Variants in INTS8 observed in about 807,000 individuals in gnomAD.
The protein encoded by INTS8 is integrator complex subunit 8, also known as protein kaonashi-1.
Under a neutral mutation model 138.9 loss-of-function variants are expected in INTS8, and 47 were observed. That is an observed-to-expected ratio of 0.34 (90% CI 0.27 to 0.43). INTS8 has a LOEUF of 0.43. INTS8 is among the 20% of genes least tolerant of loss of function. INTS8 has a pLI of 1.00. For synonymous variants in INTS8, 392 were observed against 400.9 expected (o/e 0.98, Z 0.27); for missense variants, 996 against 1,173.0 (o/e 0.85, Z 2.20).
chr8:94,838,494 A>T lies in INTS8; in HGVS notation c.893A>T (p.Asp298Val). ...TCATTATCTCTTCATTGTACCATAG[A>T]TGAGAAGCGGTTAGCTGGCTATTGT... is the stretch of plus-strand genomic sequence containing the variant. ...IGSLSLHCTI[D>V]EKRLAGYCQA... Residue 298 changes from aspartate (D) to valine (V), a missense_variant, in exon 8 of 27, where the codon GAT (aspartate) becomes GTT (valine). Coordinates refer to ENST00000523731, the MANE Select transcript of INTS8 (RefSeq NM_017864.4). 2 of 1,613,582 alleles carry T rather than the reference A, an allele frequency of 1.2e-6. No homozygotes were observed. Among genetic ancestry groups the T allele is most frequent in the East Asian group, 2.2e-5 (1 of 44,882 alleles).
chr8:94,831,023 C>A (rs1814693907), intron 5 of INTS8, among the ~76,000 whole-genome samples: 1 of 152,160 alleles, frequency 6.6e-6, no homozygotes, highest in African/African-American at 2.4e-5. Flanking sequence ...GTCTTGAACT[C>A]CTGACCTCGT....
In INTS8 at chr8:94,836,479, T is replaced by C. The variant is rs767850277; in HGVS notation, c.754-45T>C. 3 of 1,454,942 alleles carry C rather than the reference T, an allele frequency of 2.1e-6. No homozygotes were observed. In the Admixed American group the frequency reaches 5.2e-5, roughly 25 times the overall value. 90.1% of individuals were successfully genotyped at this position (1,454,942 alleles called of 1,614,324 possible). ...AGTTTTGGTTCTGTCACCTCTTAAGTACCTGAGAAATTGTTAAGCAAATTG... is the reference window on the plus strand; with the variant it reads ...AGTTTTGGTTCTGTCACCTCTTAAGCACCTGAGAAATTGTTAAGCAAATTG... On this transcript the variant is annotated intron_variant, in intron 6 of 26. Coordinates refer to ENST00000523731, the MANE Select transcript of INTS8 (RefSeq NM_017864.4).
intron 20 of INTS8, among the ~76,000 whole-genome samples, chr8:94,870,817 A>G (rs1209731554): frequency 2.0e-5 from 3 of 152,168 alleles, no homozygotes; most frequent in Admixed American, 6.5e-5. Context: ...CTGAATCCAC[A>G]GCCTGTATTC....
chr8:94,850,551 G>T (rs1346800191), intron 12 of INTS8, among the ~76,000 whole-genome samples: 1 of 148,750 alleles, frequency 6.7e-6, no homozygotes, highest in Non-Finnish European at 1.5e-5. Flanking sequence ...GGCGGAGCTT[G>T]CAGTGAGCCA....
chr8:94,848,430 A>G (rs1815409413), intron 10 of INTS8, among the ~76,000 whole-genome samples: 2 of 152,084 alleles, frequency 1.3e-5, no homozygotes. Flanking sequence ...CTATCACTTC[A>G]CTTCCTTTTT....
chr8:94,853,725 T>C, intron 13 of INTS8, 80 bp from the exon 14 acceptor site: 1 of 758,748 alleles, frequency 1.3e-6, no homozygotes, highest in Non-Finnish European at 2.3e-6. Flanking sequence ...TAAATGCGAT[T>C]GAAGATTGTT....
At position 94,839,737 on chromosome 8, in the gene INTS8, TC is replaced by T. The variant is rs1258944461; in HGVS notation, c.1017+1120del. Among the ~76,000 whole-genome samples the T allele has an allele frequency of 2.6e-5, 4 of 152,120 alleles. No homozygotes were observed. In the East Asian group the frequency reaches 7.7e-4, roughly 29 times the overall value. ...AGATCAATTATCATAAAATACAGAT[TC>T]TTTAACAAGTTGGCTGGGCACCGTG... On this transcript the variant is annotated intron_variant, in intron 8 of 26. Transcript: ENST00000523731.
chr8:94,843,680 A>G (rs1815221018), intron 10 of INTS8, among the ~76,000 whole-genome samples: 1 of 152,106 alleles, frequency 6.6e-6, no homozygotes. Flanking sequence ...TGATGGAGGG[A>G]CATTTGTGTT....
At chr8:94,848,103 G>A (rs988935990) in intron 10 of INTS8, among the ~76,000 whole-genome samples, 9 of 149,870 alleles carry the variant, frequency 6.0e-5, no homozygotes, top group African/African-American at 2.2e-4. Flanking sequence ...CTGCCTCCTG[G>A]GTTGAAGTGA....
At chr8:94,866,943 G>A in intron 18 of INTS8, 197 bp from the exon 19 acceptor site, 1 of 511,746 alleles carries the variant, frequency 2.0e-6, no homozygotes, top group South Asian at 3.6e-5. Context: ...TGTAAATTAT[G>A]TGCTATGGTC....
chr8:94,856,244 G>C (rs1342045060), intron 14 of INTS8, among the ~76,000 whole-genome samples: 3 of 152,200 alleles, frequency 2.0e-5, no homozygotes, highest in Non-Finnish European at 4.4e-5. Context: ...GTAATGATGG[G>C]GGTAGAAGCC....
chr8:94,832,912 C>A (rs936400713), intron 6 of INTS8, among the ~76,000 whole-genome samples: 4 of 152,134 alleles, frequency 2.6e-5, no homozygotes, highest in Admixed American at 2.6e-4. Flanking sequence ...CCTCGGTCTC[C>A]CAAAGTGCTG....
chr8:94,845,347 G>A (rs1258140665), intron 10 of INTS8, among the ~76,000 whole-genome samples: 1 of 151,948 alleles, frequency 6.6e-6, no homozygotes, highest in African/African-American at 2.4e-5. Flanking sequence ...TGTATGCCGG[G>A]TGTTTATACA....
intron 9 of INTS8, among the ~76,000 whole-genome samples, 199 bp downstream of exon 9, chr8:94,841,790 G>A (rs1193169929): frequency 4.6e-5 from 7 of 152,030 alleles, no homozygotes; most frequent in Admixed American, 3.3e-4. Flanking sequence ...TTGCAGGGCC[G>A]GGCGAGGTGT....
chr8:94,861,827 A>G (rs1815997368), intron 16 of INTS8, among the ~76,000 whole-genome samples: 2 of 152,230 alleles, frequency 1.3e-5, no homozygotes, highest in Non-Finnish European at 2.9e-5. Context: ...CTGGGATTAC[A>G]GGCGTGAGCC....
At chr8:94,861,584 C>T (rs555197122) in intron 16 of INTS8, among the ~76,000 whole-genome samples, 2 of 147,856 alleles carry the variant, frequency 1.4e-5, no homozygotes, top group South Asian at 4.3e-4. Context: ...CGGAGTTTTG[C>T]TCTTGTTGCC....
intron 8 of INTS8, among the ~76,000 whole-genome samples, 192 bp from the exon 9 acceptor site, chr8:94,841,299 T>G (rs1376677089): frequency 6.6e-6 from 1 of 152,190 alleles, no homozygotes; most frequent in Non-Finnish European, 1.5e-5. Context: ...ATCTTCAGTT[T>G]TAAAAAAGGG....
rs1816560219 is a variant in INTS8, at chr8:94,876,238, CCTA to C, written c.2785_2787del (p.Tyr929del). ...TCTTTCAGTCATGATGCTATGGACT[CCTA>C]CTACGACTACATATGGGATGTTACC... On this transcript the variant is annotated inframe_deletion, in exon 25 of 27. Coordinates refer to ENST00000523731, the MANE Select transcript of INTS8 (RefSeq NM_017864.4). 1 of 1,612,430 alleles carries C rather than the reference CCTA, an allele frequency of 6.2e-7. No individual in the cohort carries two copies. The highest frequency in any genetic ancestry group is 8.5e-7 in the Non-Finnish European group (1 of 1,178,952).
At chr8:94,845,463 T>C (rs1815298434) in intron 10 of INTS8, among the ~76,000 whole-genome samples, 1 of 152,136 alleles carries the variant, frequency 6.6e-6, no homozygotes, top group South Asian at 2.1e-4. Flanking sequence ...CTACCTTGTT[T>C]TCAAGGTTGT....
Sources: allele counts gnomAD v4.1 joint callset (sites outside exome capture counted in the v4.1 genomes callset), GRCh38; gene constraint gnomAD v4.1.1; transcripts MANE v1.5; gene names NCBI Gene and HGNC (gene_info 2026-07-23, HGNC 2026-07-21).